ADARB1: variants seen among roughly 807,000 people sequenced by gnomAD.
ADARB1 encodes double-stranded RNA-specific editase 1.
In ADARB1, 10 loss-of-function variants were observed where a neutral mutation model predicts 52.4. The ratio of observed to expected loss-of-function variants is 0.19; its 90% CI spans 0.12 to 0.32. ADARB1 has a LOEUF of 0.32. ADARB1 is among the 10% of genes least tolerant of loss of function. The probability of loss-of-function intolerance (pLI) is 1.00; values close to 1 mark genes in which losing one functional copy is unlikely to be tolerated. For synonymous variants in ADARB1, 349 were observed against 371.1 expected, an observed-to-expected ratio of 0.94 and a Z score of 0.68; for missense variants, 643 against 922.3, an observed-to-expected ratio of 0.70 and a Z score of 3.92.
intron 1 of ADARB1, among the ~76,000 whole-genome samples, chr21:45,085,146 C>T (rs1223792915): frequency 1.3e-5 from 2 of 152,188 alleles, no homozygotes; most frequent in African/African-American, 4.8e-5. Context: ...GAATAGTTTC[C>T]ACTAGGGACC....
intron 9 of ADARB1, among the ~76,000 whole-genome samples, chr21:45,210,597 T>G (rs2092748970): frequency 6.6e-6 from 1 of 152,212 alleles, no homozygotes; most frequent in African/African-American, 2.4e-5. Flanking sequence ...CTTCCCTGAA[T>G]CCACGCCGCA....
chr21:45,134,359 G>A (rs1458149092), intron 2 of ADARB1, among the ~76,000 whole-genome samples: 32 of 145,050 alleles, frequency 2.2e-4, no homozygotes, highest in African/African-American at 8.0e-4. Context: ...GCCCGACGGG[G>A]GTGTGTGCCC....
intron 2 of ADARB1, among the ~76,000 whole-genome samples, chr21:45,148,589 T>G (rs2090125743): frequency 6.6e-6 from 1 of 152,154 alleles, no homozygotes; most frequent in African/African-American, 2.4e-5. Flanking sequence ...AGGGGAAGCT[T>G]GGAGGAGTCG....
intron 2 of ADARB1, among the ~76,000 whole-genome samples, chr21:45,150,403 AT>A (rs1258228775): frequency 3.9e-5 from 6 of 152,224 alleles, no homozygotes; most frequent in Non-Finnish European, 7.3e-5. Flanking sequence ...TCAAAAAATT[AT>A]TTTTTCTAAA....
chr21:45,179,533 A>G (rs190933331), intron 4 of ADARB1, among the ~76,000 whole-genome samples: 7 of 152,364 alleles, frequency 4.6e-5, no homozygotes, highest in Non-Finnish European at 8.8e-5. Flanking sequence ...ATCATAAGCC[A>G]TAAGACCATG....
intron 8 of ADARB1, among the ~76,000 whole-genome samples, chr21:45,196,531 T>G (rs186342316): frequency 6.6e-6 from 1 of 152,364 alleles, no homozygotes; most frequent in Non-Finnish European, 1.5e-5. Flanking sequence ...CAAAAAGCAC[T>G]GTTTAAACAG....
At chr21:45,167,095 C>CGTT (rs2091283134) in intron 2 of ADARB1, among the ~76,000 whole-genome samples, 1 of 152,206 alleles carries the variant, frequency 6.6e-6, no homozygotes, top group Non-Finnish European at 1.5e-5. Context: ...AAACTGAAAA[C>CGTT]GTTGGCTTCT....
intron 1 of ADARB1, among the ~76,000 whole-genome samples, chr21:45,123,273 A>ATG (rs1334457604): frequency 2.7e-4 from 16 of 58,550 alleles, no homozygotes; most frequent in African/African-American, 8.0e-4. Flanking sequence ...AATATATACT[A>ATG]CGTGTGTGTG....
At chr21:45,085,451 G>T (rs1457934930) in intron 1 of ADARB1, among the ~76,000 whole-genome samples, 1 of 152,146 alleles carries the variant, frequency 6.6e-6, no homozygotes, top group East Asian at 1.9e-4. Flanking sequence ...ACAGTTTCCA[G>T]AAACTTCAGC....
At chr21:45,203,801 A>T (rs2092611440) in intron 8 of ADARB1, among the ~76,000 whole-genome samples, 1 of 152,138 alleles carries the variant, frequency 6.6e-6, no homozygotes, top group Admixed American at 6.5e-5. Context: ...CTTTTTTAAG[A>T]AGTATAGTGG....
rs745372191 is a variant in ADARB1, at chr21:45,180,404, C to G, written c.1038C>G (p.His346Gln). 1 of 1,614,158 alleles carries G rather than the reference C, an allele frequency of 6.2e-7. No homozygotes were observed. Among genetic ancestry groups the G allele is most frequent in the Non-Finnish European group, 8.5e-7 (1 of 1,180,000 alleles). The change falls in exon 5 of 11, where the codon CAC (histidine) becomes CAG (glutamine). Residue 346 changes from histidine to glutamine, a missense_variant. This residue lies in a region of ADARB1 where 263 missense variants were observed against 475.8 expected (regional missense o/e 0.55). Transcript: ENST00000348831. ...GDLTDNFSSP[H>Q]ARRKVLAGVV... Reference sequence around the variant, plus strand: ...TGACCGACAACTTCTCCTCCCCTCACGCTCGCAGAAAAGTGCTGGCTGGAG... The same window carrying G: ...TGACCGACAACTTCTCCTCCCCTCAGGCTCGCAGAAAAGTGCTGGCTGGAG...
chr21:45,216,162 G>C (rs76493938), intron 9 of ADARB1, among the ~76,000 whole-genome samples: 1 of 151,866 alleles, frequency 6.6e-6, no homozygotes, highest in East Asian at 1.9e-4. Flanking sequence ...TAATGATATC[G>C]TCTTATCCCT....
Position 45,226,510 on chromosome 21 carries a change from A to G in ADARB1, c.*4313A>G, listed in dbSNP as rs2093060941. The G allele has an allele frequency of 6.6e-6, 1 of 152,668 alleles. No individual in the cohort carries two copies. The highest frequency in any genetic ancestry group is 2.4e-5 in the African/African-American group (1 of 41,464). 9.5% of individuals were successfully genotyped at this position (152,668 alleles called of 1,614,324 possible). On this transcript the variant is annotated 3_prime_UTR_variant, in exon 11 of 11. Coordinates refer to ENST00000348831, the MANE Select transcript of ADARB1 (RefSeq NM_001112.4). ...GGAACTGAGCATGAGACGCTGTCAA[A>G]TACAGACAAAGGATTTGAGATGTTC...
chr21:45,114,392 T>A, intron 1 of ADARB1, among the ~76,000 whole-genome samples: 1 of 152,000 alleles, frequency 6.6e-6, no homozygotes, highest in African/African-American at 2.4e-5. Flanking sequence ...AGTGGTGCCT[T>A]GGTGTTTTTG....
At chr21:45,138,057 C>T (rs2089492082) in intron 2 of ADARB1, among the ~76,000 whole-genome samples, 2 of 152,122 alleles carry the variant, frequency 1.3e-5, no homozygotes, top group African/African-American at 2.4e-5. Context: ...TCCTCAGTGG[C>T]ATCACTGATT....
At chr21:45,097,846 A>G (rs1057408930) in intron 1 of ADARB1, among the ~76,000 whole-genome samples, 1 of 152,138 alleles carries the variant, frequency 6.6e-6, no homozygotes, top group Admixed American at 6.5e-5. Flanking sequence ...TTGCCTTTCA[A>G]CCTGAGCTCC....
chr21:45,127,496 C>T (rs549346365), intron 1 of ADARB1, among the ~76,000 whole-genome samples: 9 of 152,226 alleles, frequency 5.9e-5, no homozygotes, highest in East Asian at 3.9e-4. Flanking sequence ...GACGAGCTGA[C>T]GTGTGTTGTA....
intron 7 of ADARB1, among the ~76,000 whole-genome samples, chr21:45,184,282 C>T (rs2092025662): frequency 6.6e-6 from 1 of 152,106 alleles, no homozygotes; most frequent in African/African-American, 2.4e-5. Context: ...GTATCCATCA[C>T]CCAGAATTAG....
At position 45,221,317 on chromosome 21, in the gene ADARB1, C is replaced by T. The variant is rs887028634; in HGVS notation, c.1926+303C>T. 1.3e-5 allele frequency among the ~76,000 whole-genome samples: 2 copies of T among 152,212 alleles called. No individual in the cohort carries two copies. The highest frequency in any genetic ancestry group is 2.4e-5 in the African/African-American group (1 of 41,454). Reference sequence around the variant, plus strand: ...AGATATTGAAAGTCATTATGCAAAACGCAGGGCCAGTCACCCTGCTGTCCC... The same window carrying T: ...AGATATTGAAAGTCATTATGCAAAATGCAGGGCCAGTCACCCTGCTGTCCC... On this transcript the variant is annotated intron_variant, in intron 10 of 10. Transcript: ENST00000348831. This position sits in a 1 kb window ranked among gnomAD's most constrained non-coding sequence, Gnocchi z 4.9.
Sources: allele counts gnomAD v4.1 joint callset (sites outside exome capture counted in the v4.1 genomes callset), GRCh38; gene constraint gnomAD v4.1.1; regional missense constraint gnomAD v4.1.1; non-coding constraint Gnocchi (gnomAD v3.1); transcripts MANE v1.5; gene names NCBI Gene and HGNC (gene_info 2026-07-23, HGNC 2026-07-21).